CCL28: variants seen among roughly 807,000 people sequenced by gnomAD.
CCL28 encodes the protein C-C motif chemokine 28.
A neutral mutation model predicts 7.1 loss-of-function variants in CCL28; 4 were observed. That is an observed-to-expected ratio of 0.56 (90% CI 0.28 to 1.29). The LOEUF (loss-of-function observed/expected upper bound fraction) is 1.29, where lower values mean the gene tolerates loss of function less well. CCL28 is among the 50% of genes most tolerant of loss of function. The probability of loss-of-function intolerance (pLI) is 0.11; values close to 1 mark genes in which losing one functional copy is unlikely to be tolerated. For synonymous variants in CCL28, 55 were observed against 57.8 expected (o/e 0.95, Z 0.22); for missense variants, 151 against 163.4 (o/e 0.92, Z 0.41).
the CCL28 span, among the ~76,000 whole-genome samples, chr5:43,358,430 T>C: frequency 6.6e-6 from 1 of 152,200 alleles, no homozygotes; most frequent in Non-Finnish European, 1.5e-5. Flanking sequence ...GGGACTTGCT[T>C]ATGTCAGCCA....
chr5:43,366,217 A>G, the CCL28 span, among the ~76,000 whole-genome samples: 1 of 152,162 alleles, frequency 6.6e-6, no homozygotes, highest in Non-Finnish European at 1.5e-5. Flanking sequence ...CTGATGAGGA[A>G]TTGTGATCCT....
At chr5:43,401,090 A>T (rs561669775) in intron 1 of CCL28, among the ~76,000 whole-genome samples, 1 of 151,968 alleles carries the variant, frequency 6.6e-6, no homozygotes, top group Admixed American at 6.5e-5. Flanking sequence ...CTCAAAAAAA[A>T]AAAAAAGAAA....
At chr5:43,404,307 C>G (rs1741172573) in intron 1 of CCL28, among the ~76,000 whole-genome samples, 1 of 152,202 alleles carries the variant, frequency 6.6e-6, no homozygotes, top group South Asian at 2.1e-4. Flanking sequence ...AACAGCTGAT[C>G]CCTCAGCAGA....
downstream of CCL28, among the ~76,000 whole-genome samples, chr5:43,378,690 C>A (rs192199768): frequency 1.3e-5 from 2 of 152,130 alleles, no homozygotes; most frequent in Admixed American, 1.3e-4. Flanking sequence ...TGGCCGGGCG[C>A]GGTGGCTCAC....
chr5:43,409,280 G>T (rs1181527383), intron 1 of CCL28, among the ~76,000 whole-genome samples: 1 of 152,094 alleles, frequency 6.6e-6, no homozygotes, highest in Non-Finnish European at 1.5e-5. Context: ...ACAAAAATTA[G>T]CTGGGTGTGG....
chr5:43,389,623 A>G (rs1740488535), intron 1 of CCL28, among the ~76,000 whole-genome samples: 1 of 152,242 alleles, frequency 6.6e-6, no homozygotes, highest in Non-Finnish European at 1.5e-5. Flanking sequence ...GAGTGCTGAT[A>G]TCAATTCAAA....
chr5:43,412,377 G>T lies in CCL28; in HGVS notation c.-61C>A. On this transcript the variant is annotated 5_prime_UTR_variant, in exon 1 of 3. Transcript: ENST00000361115. Reference sequence around the variant, plus strand: ...GTGAGGCTGTTCGATCAGGAAATGAGGCTAAAGGTGTCCTTGGGCACAGAG... The same window carrying T: ...GTGAGGCTGTTCGATCAGGAAATGATGCTAAAGGTGTCCTTGGGCACAGAG... The T allele has an allele frequency of 6.8e-7, 1 of 1,481,430 alleles. No homozygotes were observed. Among genetic ancestry groups the T allele is most frequent in the Non-Finnish European group, 9.3e-7 (1 of 1,071,944 alleles). The allele number at this position is 1,481,430 out of a possible 1,614,324, so 91.8% of individuals were successfully genotyped here. A position where few individuals can be genotyped will look rare whatever the true frequency, so the allele number is the denominator to read the frequency against.
downstream of CCL28, among the ~76,000 whole-genome samples, chr5:43,373,539 A>T (rs1385028224): frequency 6.6e-6 from 1 of 152,148 alleles, no homozygotes; most frequent in Non-Finnish European, 1.5e-5. Flanking sequence ...ACCTCAGATG[A>T]TCCACCTGCC....
chr5:43,358,166 G>A, the CCL28 span, among the ~76,000 whole-genome samples: 29 of 152,332 alleles, frequency 1.9e-4, no homozygotes, highest in African/African-American at 7.0e-4. Flanking sequence ...AGGCAAAGCT[G>A]TAATATTTAA....
chr5:43,389,871 T>A (rs993078401), intron 1 of CCL28, among the ~76,000 whole-genome samples: 6 of 152,142 alleles, frequency 3.9e-5, no homozygotes, highest in Non-Finnish European at 8.8e-5. Flanking sequence ...GGAGAGAACA[T>A]GGGAAGTTAG....
chr5:43,369,577 A>G, the CCL28 span, among the ~76,000 whole-genome samples: 5 of 152,108 alleles, frequency 3.3e-5, no homozygotes, highest in South Asian at 4.2e-4. Context: ...GGTGTGTGCC[A>G]CCACACCCTG....
At chr5:43,402,053 T>A (rs566370990) in intron 1 of CCL28, among the ~76,000 whole-genome samples, 1 of 152,300 alleles carries the variant, frequency 6.6e-6, no homozygotes, top group East Asian at 1.9e-4. Context: ...GATGCTTCCC[T>A]GTGAAGGACT....
At chr5:43,359,218 C>G in the CCL28 span, among the ~76,000 whole-genome samples, 2 of 152,158 alleles carry the variant, frequency 1.3e-5, no homozygotes, top group Non-Finnish European at 2.9e-5. Flanking sequence ...AGTACAGAGT[C>G]AGAATCAGGG....
the CCL28 span, among the ~76,000 whole-genome samples, chr5:43,371,002 A>C: frequency 2.0e-5 from 3 of 152,160 alleles, no homozygotes; most frequent in Admixed American, 6.5e-5. Flanking sequence ...TTGGCCTCCC[A>C]AAGTGCTGGG....
chr5:43,388,280 A>C, intron 2 of CCL28, 70 bp downstream of exon 2: 1 of 1,578,712 alleles, frequency 6.3e-7, no homozygotes. Context: ...AAGCCTTTCC[A>C]ACCTATTATT....
chr5:43,358,992 A>G, the CCL28 span, among the ~76,000 whole-genome samples: 1 of 152,234 alleles, frequency 6.6e-6, no homozygotes, highest in African/African-American at 2.4e-5. Context: ...AAGCCAGAAT[A>G]ATAATAATCC....
Position 43,381,526 on chromosome 5 carries a change from A to G in CCL28, c.*334T>C, listed in dbSNP as rs1740113739. On this transcript the variant is annotated 3_prime_UTR_variant, in exon 3 of 3. Coordinates refer to ENST00000361115, the MANE Select transcript of CCL28 (RefSeq NM_148672.3). ...AGGCAAGTACTACCATGCCGGGCCA[A>G]TTTTTTTTTTGTTTGTAGAAATGAG... The G allele has an allele frequency of 5.9e-6, 1 of 168,568 alleles. No homozygotes were observed. The highest frequency in any genetic ancestry group is 6.4e-5 in the Admixed American group (1 of 15,556). 10.4% of individuals were successfully genotyped at this position (168,568 alleles called of 1,614,324 possible). A position where few individuals can be genotyped will look rare whatever the true frequency, so the allele number is the denominator to read the frequency against.
rs1054412595 is a variant in CCL28, at chr5:43,380,087, C to G, written c.*1773G>C. 2 of 152,136 alleles carry G rather than the reference C, an allele frequency of 1.3e-5. No individual in the cohort carries two copies. The highest frequency in any genetic ancestry group is 6.6e-5 in the Admixed American group (1 of 15,260). 9.4% of individuals were successfully genotyped at this position (152,136 alleles called of 1,614,324 possible). A position where few individuals can be genotyped will look rare whatever the true frequency, so the allele number is the denominator to read the frequency against. Reference sequence around the variant, plus strand: ...AATGAGCCGAGATTGTGCCACTGCACTCCAGCCTGGGCAACAGAGTGAGAC... The same window carrying G: ...AATGAGCCGAGATTGTGCCACTGCAGTCCAGCCTGGGCAACAGAGTGAGAC... On this transcript the variant is annotated 3_prime_UTR_variant, in exon 3 of 3. Coordinates refer to ENST00000361115, the MANE Select transcript of CCL28 (RefSeq NM_148672.3).
rs369154452 is a variant in CCL28 at position 43,393,277 on chromosome 5, G to A, written c.65-4801C>T. Among the ~76,000 whole-genome samples the A allele has an allele frequency of 4.6e-5, 7 of 151,908 alleles. No homozygotes were observed. In the East Asian group the frequency reaches 5.8e-4, roughly 13 times the overall value. On this transcript the variant is annotated intron_variant, in intron 1 of 2. Coordinates refer to ENST00000361115, the MANE Select transcript of CCL28 (RefSeq NM_148672.3). Reference sequence around the variant, plus strand: ...TCCAAGTCCTGGACTCAAGGGATCCGCCCACCTTGGCCTCCCCAAATGTTG... The same window carrying A: ...TCCAAGTCCTGGACTCAAGGGATCCACCCACCTTGGCCTCCCCAAATGTTG...
Sources: gnomAD v4.1 joint callset for allele counts (sites outside exome capture counted in the v4.1 genomes callset) on GRCh38, gnomAD v4.1.1 for gene constraint, MANE v1.5 for transcripts, NCBI Gene and HGNC (gene_info 2026-07-23, HGNC 2026-07-21) for gene names.